SH2B3: variants seen among roughly 807,000 people sequenced by gnomAD.
The protein encoded by SH2B3 is SH2B adapter protein 3.
Under a neutral mutation model 51.9 loss-of-function variants are expected in SH2B3, and 43 were observed. The observed-to-expected ratio is 0.83, with a 90% CI of 0.65 to 1.07. The LOEUF (loss-of-function observed/expected upper bound fraction) is 1.07, where lower values mean the gene tolerates loss of function less well. Among genes scored for constraint, SH2B3 ranks in the 50% least tolerant of loss-of-function variants. The pLI, the probability that SH2B3 is intolerant of heterozygous loss-of-function variation, is 0.00. For missense variants in SH2B3, 952 were observed against 834.3 expected (o/e 1.14, Z -1.74); for synonymous variants, 396 against 376.0 (o/e 1.05, Z -0.62).
chr12:111,441,671 A>G (rs926338221), intron 2 of SH2B3, among the ~76,000 whole-genome samples: 1 of 152,180 alleles, frequency 6.6e-6, no homozygotes, highest in Non-Finnish European at 1.5e-5. Context: ...AATAAGGTCT[A>G]TGAAATAGGT....
At chr12:111,434,936 G>C in intron 2 of SH2B3, 1 of 1,535,502 alleles carries the variant, frequency 6.5e-7, no homozygotes, top group Non-Finnish European at 8.7e-7. Context: ...GGCTGGAGGA[G>C]GACCTGGCCT....
rs1340216035 is a variant in SH2B3 at position 111,448,989 on chromosome 12, A to C, written c.*687A>C. ...TTTTGTAGTCAGAAACAGCTATGCA[A>C]ACCCTACCTAATTTACAGTCTGAGC... On this transcript the variant is annotated 3_prime_UTR_variant, in exon 8 of 8. Transcript: ENST00000341259. 1 of 152,712 alleles carries C rather than the reference A, an allele frequency of 6.5e-6. No homozygotes were observed. Among genetic ancestry groups the C allele is most frequent in the Admixed American group, 6.5e-5 (1 of 15,284 alleles). 9.5% of individuals were successfully genotyped at this position (152,712 alleles called of 1,614,324 possible).
chr12:111,430,017 C>T (rs945254311), intron 2 of SH2B3, among the ~76,000 whole-genome samples: 6 of 152,188 alleles, frequency 3.9e-5, no homozygotes, highest in South Asian at 2.1e-4. Context: ...CTTAAGAAGC[C>T]GGTTTTTTCC....
At chr12:111,413,023 A>G (rs1311910551) in intron 1 of SH2B3, among the ~76,000 whole-genome samples, 1 of 152,226 alleles carries the variant, frequency 6.6e-6, no homozygotes, top group Non-Finnish European at 1.5e-5. Flanking sequence ...CATTCATCCA[A>G]TAAGCATTCA....
chr12:111,445,105 C>A (rs1873800713), intron 2 of SH2B3, among the ~76,000 whole-genome samples: 1 of 152,198 alleles, frequency 6.6e-6, no homozygotes, highest in Admixed American at 6.5e-5. Context: ...GGGCCAGAGT[C>A]AGAGTGAAAC....
At chr12:111,432,795 A>C (rs1195705924) in intron 2 of SH2B3, among the ~76,000 whole-genome samples, 1 of 152,204 alleles carries the variant, frequency 6.6e-6, no homozygotes, top group Non-Finnish European at 1.5e-5. Flanking sequence ...TCCTTCACTT[A>C]GCATCATGTT....
chr12:111,408,398 A>G (rs1308999046), intron 1 of SH2B3, among the ~76,000 whole-genome samples: 1 of 150,892 alleles, frequency 6.6e-6, no homozygotes, highest in Non-Finnish European at 1.5e-5. Context: ...TTCTTTCCTC[A>G]TCCCCCCACC....
Position 111,438,322 on chromosome 12 carries a change from C to T in SH2B3, c.733-8431C>T, listed in dbSNP as rs1199411763. On this transcript the variant is annotated intron_variant, in intron 2 of 7. Coordinates refer to ENST00000341259, the MANE Select transcript of SH2B3 (RefSeq NM_005475.3). The surrounding 1 kb of genome is among the most constrained non-coding windows in gnomAD (Gnocchi z 4.2). Reference sequence around the variant, plus strand: ...TGATTTTGCCTCCCAGAGTCTGTAGCATGGGGGCTCCTGATGGTGCCCTTG... The same window carrying T: ...TGATTTTGCCTCCCAGAGTCTGTAGTATGGGGGCTCCTGATGGTGCCCTTG... Among the ~76,000 whole-genome samples, 5 of 152,120 alleles carry T rather than the reference C, an allele frequency of 3.3e-5. No homozygotes were observed. Among genetic ancestry groups the T allele is most frequent in the African/African-American group, 1.2e-4 (5 of 41,406 alleles).
chr12:111,447,741 TC>T lies in SH2B3; in HGVS notation c.1324del (p.Gln442SerfsTer22). On this transcript the variant is annotated frameshift_variant, in exon 7 of 8. Coordinates refer to ENST00000341259, the MANE Select transcript of SH2B3 (RefSeq NM_005475.3). LOFTEE classifies it high-confidence loss of function. ...TCGGTCGTGGACATGCTCCACCACT[TC>T]CAGCGCTCGCCCATCCCACTCGAGT... ...FPSVVDMLHH[F>X]QRSPIPLECG... 1.2e-6 allele frequency: 2 copies of T among 1,614,090 alleles called. No individual in the cohort carries two copies. The highest frequency in any genetic ancestry group is 1.7e-6 in the Non-Finnish European group (2 of 1,180,002).
At chr12:111,413,731 A>G (rs1287474652) in intron 1 of SH2B3, among the ~76,000 whole-genome samples, 1 of 152,242 alleles carries the variant, frequency 6.6e-6, no homozygotes, top group Non-Finnish European at 1.5e-5. Context: ...ATGTTCATTC[A>G]TTCAAGAGGC....
rs1333897101 is a variant in SH2B3, at chr12:111,450,826, AG to A, written c.*2528del. ...ATGTGGGAGCAGAATCAGCTGATGA[AG>A]GGGTGGGCAGCAGTGTGGGGCAGGC... On this transcript the variant is annotated 3_prime_UTR_variant, in exon 8 of 8. Coordinates refer to ENST00000341259, the MANE Select transcript of SH2B3 (RefSeq NM_005475.3). 6.6e-6 allele frequency: 1 copy of A among 152,270 alleles called. No homozygotes were observed. The highest frequency in any genetic ancestry group is 2.4e-5 in the African/African-American group (1 of 41,450). The allele number at this position is 152,270 out of a possible 1,614,324, so 9.4% of individuals were successfully genotyped here.
chr12:111,444,169 T>C (rs1304527760), intron 2 of SH2B3: 1 of 152,254 alleles, frequency 6.6e-6, no homozygotes, highest in African/African-American at 2.4e-5. Context: ...CACTCCAGCA[T>C]GGGCAACAGA....
intron 2 of SH2B3, among the ~76,000 whole-genome samples, chr12:111,439,537 G>T (rs947539712): frequency 1.3e-5 from 2 of 152,168 alleles, no homozygotes; most frequent in African/African-American, 2.4e-5. Flanking sequence ...GCCCGCCTCG[G>T]CCTCCCAAAG....
chr12:111,411,515 C>G (rs532824364), intron 1 of SH2B3, among the ~76,000 whole-genome samples: 1 of 152,290 alleles, frequency 6.6e-6, no homozygotes, highest in South Asian at 2.1e-4. Flanking sequence ...GGCTGAGAAG[C>G]CCTGATCTCA....
rs1235771937 is a variant in SH2B3 at position 111,418,280 on chromosome 12, C to T, written c.135C>T (p.Tyr45=). 2 of 1,539,620 alleles carry T rather than the reference C, an allele frequency of 1.3e-6. No homozygotes were observed. Among genetic ancestry groups the T allele is most frequent in the Admixed American group, 1.9e-5 (1 of 51,564 alleles). The change falls in exon 2 of 8, where the codon TAC becomes TAT. Residue 45 remains tyrosine (Y), a synonymous_variant. Coordinates refer to ENST00000341259, the MANE Select transcript of SH2B3 (RefSeq NM_005475.3). The surrounding 1 kb of genome is among the most constrained non-coding windows in gnomAD (Gnocchi z 6.7). ...CGGCCCGGGAGCTGGCCCGCCAGTA[C>T]TGGCTGTTCGCCCGGGAGCATCCGC... ...VAAARELARQ[Y]WLFAREHPQH...
chr12:111,407,282 TG>T lies in SH2B3; in HGVS notation c.-28+1011del, dbSNP rs1367012328. Among the ~76,000 whole-genome samples the T allele has an allele frequency of 6.7e-5, 10 of 150,330 alleles. No homozygotes were observed. The highest frequency in any genetic ancestry group is 6.6e-4 in the Admixed American group (10 of 15,144). ...CTGAGTGGGAGGAAGTGAAATCTGG[TG>T]GGGGGTTCAGAGCAGAGGCCCCGGC... is the stretch of plus-strand genomic sequence containing the variant. On this transcript the variant is annotated intron_variant, in intron 1 of 7. Coordinates refer to ENST00000341259, the MANE Select transcript of SH2B3 (RefSeq NM_005475.3). The surrounding 1 kb of genome is among the most constrained non-coding windows in gnomAD (Gnocchi z 4.3).
chr12:111,446,318 G>T (rs1168323192), intron 2 of SH2B3, among the ~76,000 whole-genome samples: 1 of 152,232 alleles, frequency 6.6e-6, no homozygotes, highest in Non-Finnish European at 1.5e-5. Flanking sequence ...GGAAGGTCCA[G>T]GGCCAAGATT....
intron 1 of SH2B3, among the ~76,000 whole-genome samples, chr12:111,416,152 CA>C (rs1237672024): frequency 6.6e-6 from 1 of 151,950 alleles, no homozygotes; most frequent in East Asian, 1.9e-4. Flanking sequence ...CCGTGTTAGC[CA>C]GGATAGTCTT....
chr12:111,412,281 TG>T (rs1870758863), intron 1 of SH2B3, among the ~76,000 whole-genome samples: 2 of 152,202 alleles, frequency 1.3e-5, no homozygotes, highest in African/African-American at 4.8e-5. Context: ...GCTGCCCTCC[TG>T]GCCAAAAAAC....
Sources: allele counts gnomAD v4.1 joint callset (sites outside exome capture counted in the v4.1 genomes callset), GRCh38; gene constraint gnomAD v4.1.1; non-coding constraint Gnocchi (gnomAD v3.1); transcripts MANE v1.5; gene names NCBI Gene and HGNC (gene_info 2026-07-23, HGNC 2026-07-21).